Variants in DGKB observed in about 807,000 individuals in gnomAD.
DGKB encodes 90 kDa diacylglycerol kinase.
A neutral mutation model predicts 114.3 loss-of-function variants in DGKB; 67 were observed. The observed-to-expected ratio is 0.59, with a 90% CI of 0.48 to 0.72. DGKB has a LOEUF of 0.72. DGKB is among the 30% of genes least tolerant of loss of function. DGKB has a pLI of 0.00. For missense variants in DGKB, 907 were observed against 975.2 expected (o/e 0.93, Z 0.93); for synonymous variants, 398 against 323.1 (o/e 1.23, Z -2.49).
At chr7:14,722,530 T>C (rs1829343788) in intron 5 of DGKB, among the ~76,000 whole-genome samples, 1 of 152,124 alleles carries the variant, frequency 6.6e-6, no homozygotes, top group Admixed American at 6.6e-5. Flanking sequence ...ATAAAAAAGC[T>C]TGGCCAGGCA....
intron 1 of DGKB, among the ~76,000 whole-genome samples, chr7:14,937,590 C>G (rs1189489367): frequency 6.6e-6 from 1 of 152,126 alleles, no homozygotes; most frequent in African/African-American, 2.4e-5. Context: ...ATCTGAAACA[C>G]AATGAGAAAT....
chr7:14,203,941 T>G (rs1048194481), intron 23 of DGKB, among the ~76,000 whole-genome samples: 1 of 151,866 alleles, frequency 6.6e-6, no homozygotes, highest in Non-Finnish European at 1.5e-5. Flanking sequence ...ATAACATGGA[T>G]AAAAACTACT....
intron 13 of DGKB, among the ~76,000 whole-genome samples, chr7:14,668,736 T>A (rs1213390303): frequency 6.6e-6 from 1 of 152,116 alleles, no homozygotes; most frequent in Non-Finnish European, 1.5e-5. Context: ...TCTATTACTG[T>A]ACCTCATATT....
At chr7:14,846,411 A>C (rs1848633047) in intron 1 of DGKB, among the ~76,000 whole-genome samples, 1 of 152,248 alleles carries the variant, frequency 6.6e-6, no homozygotes, top group Non-Finnish European at 1.5e-5. Flanking sequence ...TCTTTTTACT[A>C]GCTGAACTGG....
At chr7:14,641,505 A>G (rs996339034) in intron 13 of DGKB, among the ~76,000 whole-genome samples, 1 of 152,014 alleles carries the variant, frequency 6.6e-6, no homozygotes, top group African/African-American at 2.4e-5. Flanking sequence ...TGGAAAAAAA[A>G]AAAAGGCTGT....
chr7:14,444,444 C>G (rs184504802), intron 21 of DGKB, among the ~76,000 whole-genome samples: 2 of 151,682 alleles, frequency 1.3e-5, no homozygotes, highest in Non-Finnish European at 3.0e-5. Flanking sequence ...TAATAGTTGA[C>G]AAGTGTACAG....
intron 21 of DGKB, among the ~76,000 whole-genome samples, chr7:14,474,684 C>A (rs551169848): frequency 1.3e-5 from 2 of 151,748 alleles, no homozygotes; most frequent in Non-Finnish European, 1.5e-5. Flanking sequence ...AGTCATCTCT[C>A]TAAATAGCAC....
chr7:14,548,965 A>T (rs948723294), intron 20 of DGKB, among the ~76,000 whole-genome samples: 2 of 151,978 alleles, frequency 1.3e-5, no homozygotes, highest in African/African-American at 4.8e-5. Context: ...TTCTGCACAG[A>T]TGGTGGTTGA....
intron 1 of DGKB, among the ~76,000 whole-genome samples, chr7:14,973,512 GTTTT>G (rs1181306527): frequency 2.3e-5 from 3 of 130,412 alleles, no homozygotes; most frequent in Non-Finnish European, 5.0e-5. Flanking sequence ...TGTTTTGTTT[GTTTT>G]TTGTTTTTTT....
At chr7:14,659,436 G>T (rs1281471363) in intron 13 of DGKB, among the ~76,000 whole-genome samples, 1 of 151,608 alleles carries the variant, frequency 6.6e-6, no homozygotes, top group Non-Finnish European at 1.5e-5. Flanking sequence ...TCTCCTTGAA[G>T]AGGTCCTTCA....
chr7:14,676,102 A>G (rs1030635119), intron 12 of DGKB, among the ~76,000 whole-genome samples: 1 of 152,154 alleles, frequency 6.6e-6, no homozygotes, highest in Non-Finnish European at 1.5e-5. Flanking sequence ...TGAACTTAAA[A>G]TTGCTCTAAA....
intron 25 of DGKB, among the ~76,000 whole-genome samples, chr7:14,154,787 C>T (rs1298950544): frequency 6.7e-6 from 1 of 149,992 alleles, no homozygotes; most frequent in East Asian, 1.9e-4. Flanking sequence ...ATGAGAAGAT[C>T]TGTTGACACA....
chr7:14,241,933 TATAG>T (rs1258159790), intron 23 of DGKB, among the ~76,000 whole-genome samples: 10 of 108,154 alleles, frequency 9.2e-5, no homozygotes, highest in Non-Finnish European at 1.4e-4. Context: ...CACACACACA[TATAG>T]ATATATACAC....
intron 13 of DGKB, among the ~76,000 whole-genome samples, chr7:14,669,014 C>G (rs1312264594): frequency 6.6e-6 from 1 of 152,008 alleles, no homozygotes; most frequent in African/African-American, 2.4e-5. Flanking sequence ...CTAGAGGTAG[C>G]TGCTCTTTTC....
intron 21 of DGKB, among the ~76,000 whole-genome samples, chr7:14,402,263 T>C (rs894595871): frequency 2.6e-5 from 4 of 151,838 alleles, no homozygotes; most frequent in East Asian, 1.9e-4. Context: ...TAAGTGAAAA[T>C]ATTTCAAGCT....
At chr7:14,760,653 C>T (rs550391471) in intron 2 of DGKB, among the ~76,000 whole-genome samples, 1 of 151,920 alleles carries the variant, frequency 6.6e-6, no homozygotes, top group South Asian at 2.1e-4. Flanking sequence ...TATCATATCT[C>T]GAGAGACTAT....
intron 8 of DGKB, among the ~76,000 whole-genome samples, chr7:14,694,948 C>T (rs1010625295): frequency 2.0e-5 from 3 of 152,132 alleles, no homozygotes; most frequent in African/African-American, 4.8e-5. Context: ...AAGCAAAGTA[C>T]TTCCCATCTA....
chr7:14,210,929 C>A (rs1430084009), intron 23 of DGKB, among the ~76,000 whole-genome samples: 1 of 151,996 alleles, frequency 6.6e-6, no homozygotes, highest in Non-Finnish European at 1.5e-5. Context: ...GCATGCACTC[C>A]CCCTCTCCAC....
In DGKB at chr7:14,859,952, G is replaced by C. The variant is rs576768684; in HGVS notation, c.-187-18502C>G. Among the ~76,000 whole-genome samples the C allele has an allele frequency of 3.3e-5, 5 of 152,114 alleles. No individual in the cohort carries two copies. In the South Asian group the frequency reaches 1.0e-3, roughly 32 times the overall value. On this transcript the variant is annotated intron_variant, in intron 1 of 25. Coordinates refer to ENST00000402815, the MANE Select transcript of DGKB (RefSeq NM_001350709.2). ...CCCAAAGCCCAGAAATAAAAAGTTA[G>C]GCAATATGACCCAGAAAGTTTTCTT...
Sources: gnomAD v4.1 joint callset for allele counts (sites outside exome capture counted in the v4.1 genomes callset) on GRCh38, gnomAD v4.1.1 for gene constraint, MANE v1.5 for transcripts, NCBI Gene and HGNC (gene_info 2026-07-23, HGNC 2026-07-21) for gene names.